Variants in SLC25A48 observed in about 807,000 individuals in gnomAD.
SLC25A48 encodes CTC-321K16.1.
Under a neutral mutation model 32.2 loss-of-function variants are expected in SLC25A48, and 29 were observed. The ratio of observed to expected loss-of-function variants is 0.90; its 90% CI spans 0.67 to 1.23. The LOEUF (loss-of-function observed/expected upper bound fraction) is 1.23, where lower values mean the gene tolerates loss of function less well. Among genes scored for constraint, SLC25A48 ranks in the 50% most tolerant of loss-of-function variants. The probability of loss-of-function intolerance (pLI) is 0.00; values close to 1 mark genes in which losing one functional copy is unlikely to be tolerated. For missense variants in SLC25A48, 399 were observed against 422.7 expected, an observed-to-expected ratio of 0.94 and a Z score of 0.49; for synonymous variants, 164 against 172.3, an observed-to-expected ratio of 0.95 and a Z score of 0.38.
At chr5:135,774,503 G>C (rs2126613065) in intron 3 of SLC25A48, among the ~76,000 whole-genome samples, 1 of 151,714 alleles carries the variant, frequency 6.6e-6, no homozygotes, top group African/African-American at 2.4e-5. Flanking sequence ...ATATTGCAGG[G>C]CATGCACATG....
intron 3 of SLC25A48, among the ~76,000 whole-genome samples, chr5:135,807,939 T>A (rs1375412601): frequency 2.7e-5 from 4 of 150,698 alleles, no homozygotes; most frequent in South Asian, 2.1e-4. Context: ...AGTTTTTTTT[T>A]AATATCATAG....
At chr5:135,857,417 G>A (rs1256982532) in intron 4 of SLC25A48, among the ~76,000 whole-genome samples, 2 of 152,226 alleles carry the variant, frequency 1.3e-5, no homozygotes, top group Non-Finnish European at 2.9e-5. Flanking sequence ...AGCTGCCAAT[G>A]TGACATGCTC....
At chr5:135,661,913 GT>G (rs2126935005) in intron 3 of SLC25A48, among the ~76,000 whole-genome samples, 1 of 152,296 alleles carries the variant, frequency 6.6e-6, no homozygotes, top group East Asian at 1.9e-4. Flanking sequence ...TTGTGTCCAA[GT>G]TTTTGCCTTT....
At chr5:135,866,833 C>T (rs1038694731) in intron 4 of SLC25A48, among the ~76,000 whole-genome samples, 1 of 152,212 alleles carries the variant, frequency 6.6e-6, no homozygotes, top group Non-Finnish European at 1.5e-5. Context: ...GAACATCTTG[C>T]TAGTCTTGGT....
intron 3 of SLC25A48, among the ~76,000 whole-genome samples, chr5:135,809,954 C>A (rs1266640044): frequency 2.6e-5 from 4 of 152,200 alleles, no homozygotes; most frequent in Non-Finnish European, 4.4e-5. Context: ...CCTCCTGCCT[C>A]AGCCTCCTAT....
rs1324244580 is a variant in SLC25A48, at chr5:135,629,624, T to A, written c.-709+248T>A. 6.6e-6 allele frequency among the ~76,000 whole-genome samples: 1 copy of A among 152,216 alleles called. No individual in the cohort carries two copies. The highest frequency in any genetic ancestry group is 1.5e-5 in the Non-Finnish European group (1 of 68,038). On this transcript the variant is annotated intron_variant, in intron 2 of 10. Transcript: ENST00000646290. The surrounding 1 kb of genome is among the most constrained non-coding windows in gnomAD (Gnocchi z 4.8). ...ATAAAAGATGTGTTAGCCAGCAGGC[T>A]GACTCTGTGGGCGCCTGAGGATGCA...
intron 3 of SLC25A48, among the ~76,000 whole-genome samples, chr5:135,771,214 G>A (rs1756401080): frequency 6.6e-6 from 1 of 151,594 alleles, no homozygotes; most frequent in African/African-American, 2.4e-5. Flanking sequence ...AATAGCCGGG[G>A]GGGAGAAGGT....
At chr5:135,767,389 C>T (rs562738735) in intron 3 of SLC25A48, among the ~76,000 whole-genome samples, 19 of 151,918 alleles carry the variant, frequency 1.3e-4, no homozygotes, top group Middle Eastern at 6.8e-3. Context: ...CCCCATATTG[C>T]GGGCGGTGCA....
At chr5:135,588,057 G>A (rs888946015) in intron 1 of SLC25A48, among the ~76,000 whole-genome samples, 13 of 152,238 alleles carry the variant, frequency 8.5e-5, no homozygotes, top group Non-Finnish European at 1.8e-4. Flanking sequence ...TCAGAACCAC[G>A]GAAAGCAGGG....
At chr5:135,747,907 A>G (rs1755677213) in intron 3 of SLC25A48, among the ~76,000 whole-genome samples, 1 of 152,198 alleles carries the variant, frequency 6.6e-6, no homozygotes, top group African/African-American at 2.4e-5. Context: ...TACTTTCCTA[A>G]GGTCACACGA....
At chr5:135,762,741 T>C (rs1019070298) in intron 3 of SLC25A48, among the ~76,000 whole-genome samples, 3 of 152,172 alleles carry the variant, frequency 2.0e-5, no homozygotes, top group South Asian at 2.1e-4. Context: ...AGTGTGTGCA[T>C]ATGCAAATAC....
intron 1 of SLC25A48, among the ~76,000 whole-genome samples, chr5:135,841,706 T>TGG (rs751175583): frequency 2.8e-4 from 41 of 145,588 alleles, no homozygotes; most frequent in South Asian, 9.4e-4. Context: ...AGGAGATGTG[T>TGG]GGGTGGGGGG....
At chr5:135,701,013 T>C (rs1754383313) in intron 3 of SLC25A48, among the ~76,000 whole-genome samples, 1 of 152,144 alleles carries the variant, frequency 6.6e-6, no homozygotes, top group African/African-American at 2.4e-5. Context: ...ATCCTGCCTA[T>C]AGATCTGGCA....
At chr5:135,667,202 AC>A (rs1753544470) in intron 3 of SLC25A48, among the ~76,000 whole-genome samples, 2 of 151,676 alleles carry the variant, frequency 1.3e-5, no homozygotes, top group South Asian at 4.2e-4. Flanking sequence ...TGCATCTTCC[AC>A]TCTGTATTCT....
At chr5:135,794,114 A>C (rs1757103097) in intron 3 of SLC25A48, among the ~76,000 whole-genome samples, 1 of 151,922 alleles carries the variant, frequency 6.6e-6, no homozygotes, top group Non-Finnish European at 1.5e-5. Flanking sequence ...GATATTACTC[A>C]AGATATCCCA....
chr5:135,713,482 C>G (rs1754718472), intron 3 of SLC25A48, among the ~76,000 whole-genome samples: 1 of 152,128 alleles, frequency 6.6e-6, no homozygotes, highest in Admixed American at 6.5e-5. Flanking sequence ...AGTAGCTGAA[C>G]AAATGAATAA....
chr5:135,684,525 G>T (rs942360233), intron 3 of SLC25A48, among the ~76,000 whole-genome samples: 4 of 152,154 alleles, frequency 2.6e-5, no homozygotes, highest in African/African-American at 9.7e-5. Context: ...ATAGCCTTCA[G>T]AGTTGTCCCA....
chr5:135,791,467 A>T (rs1580884450), intron 3 of SLC25A48, among the ~76,000 whole-genome samples: 1 of 151,732 alleles, frequency 6.6e-6, no homozygotes, highest in African/African-American at 2.4e-5. Flanking sequence ...ACCCTGTGAT[A>T]TTATGCGTTA....
Position 135,596,881 on chromosome 5 carries a change from A to G in SLC25A48, c.-849+17284A>G, listed in dbSNP as rs150218937. Reference sequence around the variant, plus strand: ...GTTCTGCTTTAATGTGGTGTAGCGTAATGATTGGGGGTGCACTTGGCAGAG... The same window carrying G: ...GTTCTGCTTTAATGTGGTGTAGCGTGATGATTGGGGGTGCACTTGGCAGAG... On this transcript the variant is annotated intron_variant, in intron 1 of 10. Coordinates refer to the SLC25A48 transcript ENST00000646290. Among the ~76,000 whole-genome samples the G allele has an allele frequency of 1.1e-3, 171 of 152,258 alleles. 1 individual carries two copies. The highest frequency in any genetic ancestry group is 3.1e-3 in the African/African-American group (127 of 41,550).
Sources: gnomAD v4.1 joint callset for allele counts (sites outside exome capture counted in the v4.1 genomes callset) on GRCh38, gnomAD v4.1.1 for gene constraint, Gnocchi (gnomAD v3.1) non-coding constraint, MANE v1.5 for transcripts, NCBI Gene and HGNC (gene_info 2026-07-23, HGNC 2026-07-21) for gene names.